ELAVL2: variants seen among roughly 807,000 people sequenced by gnomAD.
ELAVL2 encodes ELAV like RNA binding protein 2.
Under a neutral mutation model 34.6 loss-of-function variants are expected in ELAVL2, and 4 were observed. That is an observed-to-expected ratio of 0.12 (90% CI 0.06 to 0.26). The LOEUF (loss-of-function observed/expected upper bound fraction) is 0.26, where lower values mean the gene tolerates loss of function less well. Ranked by LOEUF, ELAVL2 falls within the 10% of genes least tolerant of loss-of-function variation. The probability of loss-of-function intolerance (pLI) is 1.00; values close to 1 mark genes in which losing one functional copy is unlikely to be tolerated. For missense variants in ELAVL2, 432 were observed against 442.8 expected (o/e 0.98, Z 0.22); for synonymous variants, 193 against 154.8 (o/e 1.25, Z -1.83).
At chr9:23,766,136 A>T (rs2056207959) in intron 1 of ELAVL2, among the ~76,000 whole-genome samples, 1 of 152,084 alleles carries the variant, frequency 6.6e-6, no homozygotes. Flanking sequence ...CCTGGCTGTG[A>T]TTTACTCTTG....
chr9:23,824,660 G>A (rs1269386880), intron 1 of ELAVL2, among the ~76,000 whole-genome samples: 2 of 151,920 alleles, frequency 1.3e-5, no homozygotes, highest in Non-Finnish European at 2.9e-5. Flanking sequence ...CCCGGCCCAC[G>A]AACATCCTCC....
Position 23,704,991 on chromosome 9 carries a change from C to A in ELAVL2, c.414G>T (p.Gln138His), listed in dbSNP as rs1412439607. 6.2e-7 allele frequency: 1 copy of A among 1,614,118 alleles called. No homozygotes were observed. Among genetic ancestry groups the A allele is most frequent in the African/African-American group, 1.3e-5 (1 of 75,014 alleles). Residue 138 changes from glutamine to histidine, a missense_variant, in exon 4 of 7, where the codon CAG becomes CAT. By Grantham distance (24) the Gln-to-His change is conservative (BLOSUM62 0). This residue lies in a region of ELAVL2 where 295 missense variants were observed against 306.1 expected (regional missense o/e 0.96). Coordinates refer to ENST00000397312, the MANE Select transcript of ELAVL2 (RefSeq NM_004432.5). ...YVSGLPKTMT[Q>H]KELEQLFSQY... The stretch of plus-strand genomic sequence containing the variant: ...GTGAAAAAAGCTGTTCCAACTCCTT[C>A]TGGGTCATTGTTTTTGGAAGTCCGC...
intron 3 of ELAVL2, among the ~76,000 whole-genome samples, chr9:23,715,973 G>GAGA (rs932174141): frequency 3.1e-4 from 47 of 152,202 alleles, no homozygotes; most frequent in African/African-American, 1.1e-3. Flanking sequence ...ATCTGACAGA[G>GAGA]AGAAGTACAT....
At chr9:23,737,026 C>T (rs2048056610) in intron 2 of ELAVL2, among the ~76,000 whole-genome samples, 1 of 152,158 alleles carries the variant, frequency 6.6e-6, no homozygotes. Flanking sequence ...CCCCAGTGCA[C>T]ACTGTACAGT....
intron 1 of ELAVL2, among the ~76,000 whole-genome samples, chr9:23,787,920 A>G (rs914840050): frequency 2.0e-5 from 3 of 152,176 alleles, no homozygotes; most frequent in Non-Finnish European, 4.4e-5. Context: ...AAGTTCAAAA[A>G]CAGTGGAGGT....
intron 2 of ELAVL2, among the ~76,000 whole-genome samples, chr9:23,747,590 A>C (rs188821647): frequency 2.6e-5 from 4 of 152,250 alleles, no homozygotes; most frequent in Non-Finnish European, 4.4e-5. Flanking sequence ...ACAGCTCCAG[A>C]GGTAGAAGAC....
At chr9:23,839,244 G>T in the ELAVL2 span, among the ~76,000 whole-genome samples, 1 of 151,382 alleles carries the variant, frequency 6.6e-6, no homozygotes, top group Non-Finnish European at 1.5e-5. Flanking sequence ...ATAAACCACA[G>T]ACATATATTA....
At chr9:23,823,783 A>C (rs1217942821) in intron 1 of ELAVL2, among the ~76,000 whole-genome samples, 1 of 152,140 alleles carries the variant, frequency 6.6e-6, no homozygotes. Flanking sequence ...ACCTTTAGAA[A>C]CTGATTTTCA....
chr9:23,785,056 T>C (rs961426096), intron 1 of ELAVL2, among the ~76,000 whole-genome samples: 9 of 152,350 alleles, frequency 5.9e-5, no homozygotes, highest in Middle Eastern at 3.4e-3. Flanking sequence ...TAATAGATAA[T>C]GTGTCAGATG....
Position 23,731,069 on chromosome 9 carries a change from C to A in ELAVL2, c.286G>T (p.Ala96Ser). The A allele has an allele frequency of 6.2e-7, 1 of 1,613,262 alleles. No individual in the cohort carries two copies. Among genetic ancestry groups the A allele is most frequent in the Non-Finnish European group, 8.5e-7 (1 of 1,179,486 alleles). ...CTCAATCCATTCAGGGTGTTGATAGCTTTCTCTGCATCCTTGGGGTCAATG... is the reference window on the plus strand; with the variant it reads ...CTCAATCCATTCAGGGTGTTGATAGATTTCTCTGCATCCTTGGGGTCAATG... Reference protein sequence around the residue: ...NYIDPKDAEKAINTLNGLRLQ... With the variant: ...NYIDPKDAEKSINTLNGLRLQ... Residue 96 changes from alanine to serine, a missense_variant, in exon 3 of 7, where the codon GCT (alanine) becomes TCT (serine). By Grantham distance (99) the Ala-to-Ser change is moderately conservative. Coordinates refer to ENST00000397312, the MANE Select transcript of ELAVL2 (RefSeq NM_004432.5).
intron 1 of ELAVL2, among the ~76,000 whole-genome samples, chr9:23,792,979 G>A (rs573449379): frequency 6.6e-6 from 1 of 152,108 alleles, no homozygotes; most frequent in African/African-American, 2.4e-5. Context: ...TCCTCACTAT[G>A]TTGTTGAGAC....
At chr9:23,722,471 A>G (rs996478269) in intron 3 of ELAVL2, among the ~76,000 whole-genome samples, 1 of 152,296 alleles carries the variant, frequency 6.6e-6, no homozygotes, top group East Asian at 1.9e-4. Context: ...CTCACTCTGC[A>G]AGAGGGCAGA....
intron 1 of ELAVL2, among the ~76,000 whole-genome samples, chr9:23,798,515 G>A (rs78937312): frequency 0.042 from 6,391 of 152,226 alleles, 206 homozygotes; most frequent in Middle Eastern, 0.15. Flanking sequence ...CATGTAGACT[G>A]CTGAGAACAG....
intron 2 of ELAVL2, among the ~76,000 whole-genome samples, chr9:23,757,038 A>T (rs1336018208): frequency 6.6e-6 from 1 of 152,142 alleles, no homozygotes; most frequent in Non-Finnish European, 1.5e-5. Context: ...CTCTCTGACA[A>T]CAGATTCCAA....
intron 1 of ELAVL2, among the ~76,000 whole-genome samples, chr9:23,807,176 G>A (rs959240945): frequency 6.6e-6 from 1 of 152,118 alleles, no homozygotes; most frequent in Non-Finnish European, 1.5e-5. Flanking sequence ...AGGAAACTAA[G>A]AGCCTAGTCA....
intron 3 of ELAVL2, among the ~76,000 whole-genome samples, chr9:23,724,572 A>G (rs1044303650): frequency 1.3e-4 from 20 of 152,320 alleles, no homozygotes; most frequent in African/African-American, 4.1e-4. Context: ...TACAAAACAC[A>G]TGAAGGGCAT....
intron 1 of ELAVL2, among the ~76,000 whole-genome samples, chr9:23,813,121 GCT>G (rs1305543743): frequency 2.0e-5 from 3 of 152,160 alleles, no homozygotes; most frequent in African/African-American, 7.2e-5. Context: ...CACCAAAGTT[GCT>G]CTCTGCTATT....
At chr9:23,725,110 C>G (rs1300530396) in intron 3 of ELAVL2, among the ~76,000 whole-genome samples, 1 of 152,116 alleles carries the variant, frequency 6.6e-6, no homozygotes, top group Non-Finnish European at 1.5e-5. Context: ...GGTTGAAATG[C>G]TGAGAAAGAT....
intron 2 of ELAVL2, among the ~76,000 whole-genome samples, chr9:23,737,375 T>C (rs1405692287): frequency 1.3e-5 from 2 of 152,214 alleles, no homozygotes; most frequent in African/African-American, 4.8e-5. Context: ...TCTGCCTTCA[T>C]AAGGAAGTCA....
Sources: allele counts gnomAD v4.1 joint callset (sites outside exome capture counted in the v4.1 genomes callset), GRCh38; gene constraint gnomAD v4.1.1; regional missense constraint gnomAD v4.1.1; transcripts MANE v1.5; gene names NCBI Gene and HGNC (gene_info 2026-07-23, HGNC 2026-07-21).